The following KRT5 variants were observed in gnomAD, a reference collection of about 807,000 sequenced individuals.
The protein encoded by KRT5 is keratin, type II cytoskeletal 5.
In KRT5, 17 loss-of-function variants were observed where a neutral mutation model predicts 44.0. That is an observed-to-expected ratio of 0.39 (90% CI 0.26 to 0.58). The LOEUF (loss-of-function observed/expected upper bound fraction) is 0.58, where lower values mean the gene tolerates loss of function less well. Ranked by LOEUF, KRT5 falls within the 20% of genes least tolerant of loss-of-function variation. KRT5 has a pLI of 0.61. For synonymous variants in KRT5, 329 were observed against 312.8 expected (o/e 1.05, Z -0.55); for missense variants, 737 against 785.5 (o/e 0.94, Z 0.74).
Position 52,515,010 on chromosome 12 carries a change from C to T in KRT5, c.1705G>A (p.Gly569Arg), listed in dbSNP as rs148276250. 4.3e-4 allele frequency: 688 copies of T among 1,613,172 alleles called. 5 individuals are homozygous for T. The African/African-American group carries it at 7.6e-3, about 18-fold the overall frequency. Residue 569 changes from glycine to arginine, a missense_variant, in exon 9 of 9, where the codon GGG (glycine) becomes AGG (arginine). Coordinates refer to ENST00000252242, the MANE Select transcript of KRT5 (RefSeq NM_000424.4). ...RGLGVGFGSG[G>R]GSSSSVKFVS... Reference sequence around the variant, plus strand: ...AATTTGACGCTGGAGCTGCTACCCCCGCCACTGCCAAAGCCCACCCCCAGC... The same window carrying T: ...AATTTGACGCTGGAGCTGCTACCCCTGCCACTGCCAAAGCCCACCCCCAGC...
At chr12:52,519,676 T>A in intron 1 of KRT5, 66 bp downstream of exon 1, 1 of 1,499,860 alleles carries the variant, frequency 6.7e-7, no homozygotes, top group Non-Finnish European at 9.3e-7. Context: ...AACATCTTCC[T>A]TCTTTCTCTC....
chr12:52,518,066 A>G (rs370207477), intron 3 of KRT5, 37 bp downstream of exon 3: 8 of 1,612,826 alleles, frequency 5.0e-6, no homozygotes, highest in Middle Eastern at 1.7e-4. Flanking sequence ...TAGAGAGCAT[A>G]GCTGCAGGCT....
Position 52,519,170 on chromosome 12 carries a change from A to G in KRT5, c.556-10T>C. ...GCTCCAGGAACCGCACCTGGAGGGGAGCAGGGTTTGAAGATAGAGAAACTT... is the reference window on the plus strand; with the variant it reads ...GCTCCAGGAACCGCACCTGGAGGGGGGCAGGGTTTGAAGATAGAGAAACTT... On this transcript the variant is annotated splice_polypyrimidine_tract_variant and intron_variant, in intron 1 of 8. Coordinates refer to ENST00000252242, the MANE Select transcript of KRT5 (RefSeq NM_000424.4). The G allele has an allele frequency of 6.2e-7, 1 of 1,613,990 alleles. No individual in the cohort carries two copies. The highest frequency in any genetic ancestry group is 8.5e-7 in the Non-Finnish European group (1 of 1,179,936).
In KRT5 at chr12:52,517,103, C is replaced by G; in HGVS notation, c.1218+4G>C. The G allele has an allele frequency of 6.2e-7, 1 of 1,614,162 alleles. No homozygotes were observed. Among genetic ancestry groups the G allele is most frequent in the Non-Finnish European group, 8.5e-7 (1 of 1,180,030 alleles). ...TTCCTTGCCCTCTTTCAATCTCACC[C>G]TACCTGTTTCTTGACATTGTCAATC... On this transcript the variant is annotated splice_donor_region_variant and intron_variant, in intron 6 of 8. Transcript: ENST00000252242.
At chr12:52,518,215 G>A in intron 2 of KRT5, 52 bp from the exon 3 acceptor site, 1 of 1,559,492 alleles carries the variant, frequency 6.4e-7, no homozygotes, top group Non-Finnish European at 8.8e-7. Context: ...CAACAGGTAA[G>A]GGGTCTTTAT....
chr12:52,520,254 G>A lies in KRT5; in HGVS notation c.43C>T (p.Arg15Cys), dbSNP rs374322915. ...SSVSFRSGGS[R>C]SFSTASAITP... Reference sequence around the variant, plus strand: ...ATGGCAGAGGCGGTGCTGAAGCTACGACTGCCCCCGCTCCGGAAGGACACA... The same window carrying A: ...ATGGCAGAGGCGGTGCTGAAGCTACAACTGCCCCCGCTCCGGAAGGACACA... The change falls in exon 1 of 9, where the codon CGT (arginine) becomes TGT (cysteine). Residue 15 changes from arginine (R) to cysteine (C), a missense_variant. Transcript: ENST00000252242. 52 of 1,613,848 alleles carry A rather than the reference G, an allele frequency of 3.2e-5. No homozygotes were observed. In the African/African-American group the frequency reaches 5.5e-4, roughly 17 times the overall value.
chr12:52,514,962 G>C lies in KRT5; in HGVS notation c.1753C>G (p.Arg585Gly). ...GGTTCTTAGCTCTTGAAGCTCTTCC[G>C]GGAGGAGGAGGTGGTGGAGACAAAT... ...VKFVSTTSSS[R>G]KSFKS Residue 585 changes from arginine (R) to glycine (G), a missense_variant, in exon 9 of 9, where the codon CGG becomes GGG. This residue lies in a region of KRT5 where 344 missense variants were observed against 351.6 expected (regional missense o/e 0.98). Transcript: ENST00000252242. 1.2e-6 allele frequency: 2 copies of C among 1,613,660 alleles called. No individual in the cohort carries two copies. Among genetic ancestry groups the C allele is most frequent in the Non-Finnish European group, 1.7e-6 (2 of 1,179,926 alleles).
In KRT5 at chr12:52,518,132, C is replaced by T. The variant is rs1478184608; in HGVS notation, c.802G>A (p.Ala268Thr). The change falls in exon 3 of 9, where the codon GCT becomes ACT. Residue 268 changes from alanine to threonine, a missense_variant. Ala to Thr is a moderately conservative substitution (Grantham distance 58). Around this residue, in one of 5 missense-constraint regions of KRT5, gnomAD observed 59 missense variants for 62.5 expected, o/e 0.94. Transcript: ENST00000252242. ...TTCAGCATCACAAACTCATTCTCAG[C>T]AGTGGTACGCTTGTTGATTTCATCC... ...YEDEINKRTT[A>T]ENEFVMLKKD... 1.2e-6 allele frequency: 2 copies of T among 1,614,130 alleles called. No individual in the cohort carries two copies. Among genetic ancestry groups the T allele is most frequent in the African/African-American group, 1.3e-5 (1 of 74,932 alleles).
chr12:52,515,973 G>T (rs1455709417), intron 7 of KRT5, 141 bp from the exon 8 acceptor site: 3 of 735,752 alleles, frequency 4.1e-6, no homozygotes, highest in East Asian at 2.6e-5. Flanking sequence ...TAAGTTAAAG[G>T]AAGGGAGAAC....
Position 52,519,006 on chromosome 12 carries a change from C to G in KRT5, c.710G>C (p.Arg237Pro). 4 of 1,614,154 alleles carry G rather than the reference C, an allele frequency of 2.5e-6. No individual in the cohort carries two copies. The highest frequency in any genetic ancestry group is 3.4e-6 in the Non-Finnish European group (4 of 1,180,028). ...TCTCAGCTCTGAGTCCAGGCGGCCC[C>G]GTTCCCCCACGATGCTGTCCAGCTG... ...RRQLDSIVGE[R>P]GRLDSELRNM... The change falls in exon 2 of 9, where the codon CGG (arginine) becomes CCG (proline). Residue 237 changes from arginine (R) to proline (P), a missense_variant. Arg to Pro is a moderately radical substitution (Grantham distance 103). Coordinates refer to ENST00000252242, the MANE Select transcript of KRT5 (RefSeq NM_000424.4).
Position 52,515,473 on chromosome 12 carries a change from A to T in KRT5, c.1475-233T>A, listed in dbSNP as rs1938595265. 5.3e-5 allele frequency: 34 copies of T among 644,368 alleles called. 1 individual carries two copies. In the South Asian group the frequency reaches 6.3e-4, roughly 12 times the overall value. 39.9% of individuals were successfully genotyped at this position (644,368 alleles called of 1,614,324 possible). On this transcript the variant is annotated intron_variant, in intron 8 of 8. Coordinates refer to ENST00000252242, the MANE Select transcript of KRT5 (RefSeq NM_000424.4). ...GGTACTGAGGGGAGCTAGGTACTAC[A>T]GGGAGCTAGGTACTGAGGGGAGCTA...
Position 52,517,121 on chromosome 12 carries a change from T to C in KRT5, c.1204A>G (p.Asn402Asp). The C allele has an allele frequency of 6.2e-7, 1 of 1,614,168 alleles. No homozygotes were observed. The highest frequency in any genetic ancestry group is 8.5e-7 in the Non-Finnish European group (1 of 1,180,038). Residue 402 changes from asparagine (N) to aspartate (D), a missense_variant, in exon 6 of 9, where the codon AAT becomes GAT. Physicochemically the swap from Asn to Asp is conservative, Grantham distance 23. Transcript: ENST00000252242. ...TCTCACCCTACCTGTTTCTTGACAT[T>C]GTCAATCTCGGCTCTCAGCCTCTGG... ...MIQRLRAEID[N>D]VKKQCANLQN...
chr12:52,518,307 T>C, intron 2 of KRT5, 144 bp from the exon 3 acceptor site: 1 of 779,390 alleles, frequency 1.3e-6, no homozygotes, highest in Non-Finnish European at 2.3e-6. Flanking sequence ...ACTGGTAGCA[T>C]GAACCTCTGG....
chr12:52,516,100 T>C, intron 7 of KRT5: 1 of 563,824 alleles, frequency 1.8e-6, no homozygotes, highest in South Asian at 2.4e-5. Flanking sequence ...ATTTGGAAAA[T>C]GTGATTATGT....
In KRT5 at chr12:52,514,961, C is replaced by A. The variant is rs776384768; in HGVS notation, c.1754G>T (p.Arg585Leu). 1 of 1,613,166 alleles carries A rather than the reference C, an allele frequency of 6.2e-7. No homozygotes were observed. The highest frequency in any genetic ancestry group is 1.3e-5 in the African/African-American group (1 of 74,954). The change falls in exon 9 of 9, where the codon CGG becomes CTG. Residue 585 changes from arginine to leucine, a missense_variant. Transcript: ENST00000252242. ...VKFVSTTSSS[R>L]KSFKS is the part of the protein sequence containing the mutation. ...AGGTTCTTAGCTCTTGAAGCTCTTC[C>A]GGGAGGAGGAGGTGGTGGAGACAAA...
chr12:52,520,374 G>A lies in KRT5; in HGVS notation c.-78C>T, dbSNP rs1448826654. ...TGCTGGAGAGAACAGAGCTCAGCAGGACGCAGAAGGTGGCTCTGTTACCCA... is the reference window on the plus strand; with the variant it reads ...TGCTGGAGAGAACAGAGCTCAGCAGAACGCAGAAGGTGGCTCTGTTACCCA... On this transcript the variant is annotated 5_prime_UTR_variant, in exon 1 of 9. Transcript: ENST00000252242. The A allele has an allele frequency of 6.5e-6, 9 of 1,380,694 alleles. No individual in the cohort carries two copies. The highest frequency in any genetic ancestry group is 1.4e-5 in the African/African-American group (1 of 70,030). 85.5% of individuals were successfully genotyped at this position (1,380,694 alleles called of 1,614,324 possible). A position where few individuals can be genotyped will look rare whatever the true frequency, so the allele number is the denominator to read the frequency against.
At position 52,517,972 on chromosome 12, in the gene KRT5, C is replaced by G; in HGVS notation, c.852G>C (p.Met284Ile). The G allele has an allele frequency of 6.2e-7, 1 of 1,614,152 alleles. No homozygotes were observed. Among genetic ancestry groups the G allele is most frequent in the Non-Finnish European group, 8.5e-7 (1 of 1,179,950 alleles). ...MLKKDVDAAYMNKVELEAKVD... is the reference protein window; with the variant it reads ...MLKKDVDAAYINKVELEAKVD... ...CCTTGGCCTCCAGCTCCACCTTGTT[C>G]ATGTAGGCAGCATCTACATCCTGGG... is the stretch of plus-strand genomic sequence containing the variant. Residue 284 changes from methionine to isoleucine, a missense_variant, in exon 4 of 9, where the codon ATG becomes ATC. Transcript: ENST00000252242.
In KRT5 at chr12:52,519,098, C is replaced by T. The variant is rs1327403098; in HGVS notation, c.618G>A (p.Gln206=). The change falls in exon 2 of 9, where the codon CAG becomes CAA. Residue 206 remains glutamine (Q), a synonymous_variant. Transcript: ENST00000252242. ...GGTTCTGCCTCACAGTCTTGGTGCC[C>T]TGCTCCTGCAGCAGGGTCCACTTGG... ...LDTKWTLLQE[Q]GTKTVRQNLE... 1.9e-6 allele frequency: 3 copies of T among 1,614,104 alleles called. No homozygotes were observed. In the African/African-American group the frequency reaches 4.0e-5, roughly 22 times the overall value.
Position 52,516,741 on chromosome 12 carries a change from G to A in KRT5, c.1335C>T (p.Asp445=). ...GGTACTCACGCAGCAGCCGGGCCAT[G>A]TCCTGCTTGGCCTTCTGCAGGGCCT... ...LEEALQKAKQ[D]MARLLREYQE... Residue 445 remains aspartate, a synonymous_variant, in exon 7 of 9, where the codon GAC becomes GAT. Transcript: ENST00000252242. The A allele has an allele frequency of 1.2e-6, 2 of 1,614,218 alleles. No homozygotes were observed. The highest frequency in any genetic ancestry group is 1.3e-5 in the African/African-American group (1 of 75,050).
Sources: gnomAD v4.1 joint callset for allele counts on GRCh38, gnomAD v4.1.1 for gene constraint, gnomAD v4.1.1 regional missense constraint, MANE v1.5 for transcripts, NCBI Gene and HGNC (gene_info 2026-07-23, HGNC 2026-07-21) for gene names.